ARHGEF10L: variants seen among roughly 807,000 people sequenced by gnomAD.
The protein encoded by ARHGEF10L is Rho guanine nucleotide exchange factor 10 like.
Under a neutral mutation model 141.2 loss-of-function variants are expected in ARHGEF10L, and 69 were observed. The observed-to-expected ratio is 0.49, with a 90% CI of 0.40 to 0.60. ARHGEF10L has a LOEUF of 0.60. Among genes scored for constraint, ARHGEF10L ranks in the 20% least tolerant of loss-of-function variants. The pLI is 0.00. For missense variants in ARHGEF10L, 1,482 were observed against 1,734.3 expected, an observed-to-expected ratio of 0.85 and a Z score of 2.58; for synonymous variants, 711 against 718.5, an observed-to-expected ratio of 0.99 and a Z score of 0.17.
chr1:17,594,449 G>A (rs939482856), intron 4 of ARHGEF10L, among the ~76,000 whole-genome samples: 1 of 152,144 alleles, frequency 6.6e-6, no homozygotes, highest in Admixed American at 6.6e-5. Context: ...CCCAGGACAT[G>A]CTCTTTGGCT....
At chr1:17,695,008 A>G in intron 27 of ARHGEF10L, 150 bp from the exon 28 acceptor site, 1 of 1,186,316 alleles carries the variant, frequency 8.4e-7, no homozygotes, top group Non-Finnish European at 1.2e-6. Context: ...GTCAGCCTCC[A>G]AAGCCCCAGC....
At chr1:17,684,566 C>A (rs887252404) in intron 26 of ARHGEF10L, among the ~76,000 whole-genome samples, 3 of 152,202 alleles carry the variant, frequency 2.0e-5, no homozygotes, top group South Asian at 2.1e-4. Flanking sequence ...CCTCTGGAGC[C>A]CTTAGCCTGA....
At chr1:17,616,038 G>T in intron 8 of ARHGEF10L, 56 bp from the exon 9 acceptor site, 2 of 1,504,448 alleles carry the variant, frequency 1.3e-6, no homozygotes, top group South Asian at 2.3e-5. Flanking sequence ...GGTGGCCCTC[G>T]GTAGCAGGCA....
intron 1 of ARHGEF10L, among the ~76,000 whole-genome samples, chr1:17,552,847 C>G (rs2077167652): frequency 6.6e-6 from 1 of 152,100 alleles, no homozygotes; most frequent in Non-Finnish European, 1.5e-5. Context: ...TAGTAAATGG[C>G]AGAATTTGAA....
chr1:17,538,085 A>G (rs112982440), upstream of ARHGEF10L, among the ~76,000 whole-genome samples: 16 of 148,002 alleles, frequency 1.1e-4, no homozygotes, highest in African/African-American at 4.3e-4. Flanking sequence ...CAAAGAAAGA[A>G]AAAAAACATA....
intron 1 of ARHGEF10L, among the ~76,000 whole-genome samples, chr1:17,551,327 G>T (rs992455822): frequency 7.2e-6 from 1 of 138,390 alleles, no homozygotes; most frequent in East Asian, 2.2e-4. Context: ...AAGGGTGGGC[G>T]GTGCCTGATG....
chr1:17,519,037 G>A, the ARHGEF10L span, among the ~76,000 whole-genome samples: 15 of 149,334 alleles, frequency 1.0e-4, no homozygotes, highest in Non-Finnish European at 1.8e-4. Context: ...TAGCTGGGTC[G>A]GGTGGCGCAT....
the ARHGEF10L span, among the ~76,000 whole-genome samples, chr1:17,531,749 A>G: frequency 6.6e-6 from 1 of 152,146 alleles, no homozygotes; most frequent in Non-Finnish European, 1.5e-5. Flanking sequence ...CCCTGCCTGC[A>G]GCTTCTGGTG....
intron 25 of ARHGEF10L, among the ~76,000 whole-genome samples, chr1:17,658,009 G>A (rs1223059830): frequency 6.6e-6 from 1 of 152,254 alleles, no homozygotes; most frequent in African/African-American, 2.4e-5. Context: ...GGAAGCCTGG[G>A]GTCCGTGTTT....
At position 17,625,365 on chromosome 1, in the gene ARHGEF10L, G is replaced by A. The variant is rs919352065; in HGVS notation, c.1318-591G>A. Among the ~76,000 whole-genome samples the A allele has an allele frequency of 6.6e-6, 1 of 152,204 alleles. No homozygotes were observed. Reference sequence around the variant, plus strand: ...GGCCTGAGTGTGCACACTAAGAGGCGGCTGAGTTCAGTTGGGTGGTTCTAG... The same window carrying A: ...GGCCTGAGTGTGCACACTAAGAGGCAGCTGAGTTCAGTTGGGTGGTTCTAG... On this transcript the variant is annotated intron_variant, in intron 13 of 28. Transcript: ENST00000361221. The surrounding 1 kb of genome is among the most constrained non-coding windows in gnomAD (Gnocchi z 4.5).
chr1:17,561,382 G>C (rs576911631), intron 1 of ARHGEF10L, among the ~76,000 whole-genome samples: 1 of 152,234 alleles, frequency 6.6e-6, no homozygotes, highest in Non-Finnish European at 1.5e-5. Flanking sequence ...CTGGGAGGTG[G>C]GGCCAGGCTT....
intron 4 of ARHGEF10L, among the ~76,000 whole-genome samples, chr1:17,601,591 A>C (rs569417743): frequency 1.3e-5 from 2 of 152,228 alleles, no homozygotes; most frequent in East Asian, 3.9e-4. Context: ...GGCTACAGGC[A>C]TGCACCACCA....
rs80147762 is a variant in ARHGEF10L at position 17,586,839 on chromosome 1, T to G, written c.38-621T>G. 2.7e-3 allele frequency among the ~76,000 whole-genome samples: 418 copies of G among 152,068 alleles called. 1 individual carries two copies. The highest frequency in any genetic ancestry group is 9.6e-3 in the African/African-American group (398 of 41,476). ...GGGAGAGGAGGACAGGAGTTCATAG[T>G]CACGAAAGGGGTTCCCCAGGAGGGT... On this transcript the variant is annotated intron_variant, in intron 2 of 28. Transcript: ENST00000361221.
In ARHGEF10L at chr1:17,637,943, G is replaced by C; in HGVS notation, c.1983G>C (p.Lys661Asn). ...TCCAGGAGCTGCAGGACCTGCAGAA[G>C]GACCTGGCCGTGGTGGAGCAGATCA... ...RLFQELQDLQ[K>N]DLAVVEQITL... The change falls in exon 19 of 29, where the codon AAG becomes AAC. Residue 661 changes from lysine to asparagine, a missense_variant. Transcript: ENST00000361221. The C allele has an allele frequency of 1.2e-6, 2 of 1,602,552 alleles. No individual in the cohort carries two copies. The highest frequency in any genetic ancestry group is 8.5e-7 in the Non-Finnish European group (1 of 1,174,730).
At position 17,673,744 on chromosome 1, in the gene ARHGEF10L, C is replaced by A. The variant is rs867580079; in HGVS notation, c.3009+9149C>A. On this transcript the variant is annotated intron_variant, in intron 26 of 28. Transcript: ENST00000361221. The surrounding 1 kb of genome is among the most constrained non-coding windows in gnomAD (Gnocchi z 4.1). The stretch of plus-strand genomic sequence containing the variant: ...TGGGCTCAGGGGCTGGGTTGGCTGG[C>A]CTTCCCACTGATGGCCTCAGTTTCC... Among the ~76,000 whole-genome samples, 1 of 152,138 alleles carries A rather than the reference C, an allele frequency of 6.6e-6. No individual in the cohort carries two copies. Among genetic ancestry groups the A allele is most frequent in the African/African-American group, 2.4e-5 (1 of 41,400 alleles).
chr1:17,637,172 C>T (rs972533837), intron 18 of ARHGEF10L, among the ~76,000 whole-genome samples: 1 of 152,236 alleles, frequency 6.6e-6, no homozygotes, highest in African/African-American at 2.4e-5. Flanking sequence ...ACTGCTGTCT[C>T]CAGTCTCTAG....
the ARHGEF10L span, among the ~76,000 whole-genome samples, chr1:17,514,395 C>G: frequency 6.6e-6 from 1 of 152,144 alleles, no homozygotes; most frequent in South Asian, 2.1e-4. Context: ...CTCAGACTCC[C>G]AAAGTCCTGG....
Position 17,638,807 on chromosome 1 carries a change from G to A in ARHGEF10L, c.2171+118G>A, listed in dbSNP as rs2061166016. On this transcript the variant is annotated intron_variant, in intron 20 of 28. Transcript: ENST00000361221. ...TTTGTCGAGATGCCATGGTGGGAGTGGATATGTAGGCATCGTGGGCCATGT... is the reference window on the plus strand; with the variant it reads ...TTTGTCGAGATGCCATGGTGGGAGTAGATATGTAGGCATCGTGGGCCATGT... 5 of 1,442,884 alleles carry A rather than the reference G, an allele frequency of 3.5e-6. No homozygotes were observed. The African/African-American group carries it at 5.7e-5, about 16-fold the overall frequency. The allele number at this position is 1,442,884 out of a possible 1,614,324, so 89.4% of individuals were successfully genotyped here.
intron 26 of ARHGEF10L, among the ~76,000 whole-genome samples, chr1:17,667,866 G>A (rs1301910269): frequency 2.0e-5 from 3 of 152,186 alleles, no homozygotes; most frequent in African/African-American, 7.2e-5. Flanking sequence ...ATTGAAGACA[G>A]CAGCCCTTGC....
Sources: allele counts gnomAD v4.1 joint callset (sites outside exome capture counted in the v4.1 genomes callset), GRCh38; gene constraint gnomAD v4.1.1; non-coding constraint Gnocchi (gnomAD v3.1); transcripts MANE v1.5; gene names NCBI Gene and HGNC (gene_info 2026-07-23, HGNC 2026-07-21).